Variants in TBCK observed in about 807,000 individuals in gnomAD.
The protein encoded by TBCK is TBC domain-containing protein kinase-like protein.
A neutral mutation model predicts 113.4 loss-of-function variants in TBCK; 99 were observed. The observed-to-expected ratio is 0.87, with a 90% CI of 0.74 to 1.03. The LOEUF is 1.03. Ranked by LOEUF, TBCK falls within the 50% of genes least tolerant of loss-of-function variation. TBCK has a pLI of 0.00. For missense variants in TBCK, 1,045 were observed against 1,061.3 expected, an observed-to-expected ratio of 0.98 and a Z score of 0.21; for synonymous variants, 369 against 370.8, an observed-to-expected ratio of 1.00 and a Z score of 0.05.
rs1455943974 is a variant in TBCK, at chr4:106,193,625, G to A, written c.2043C>T (p.Leu681=). The A allele has an allele frequency of 5.0e-6, 8 of 1,613,334 alleles. No homozygotes were observed. The part of the protein sequence containing the change: ...LANGFNECIL[L]FSDLPEIDIE... The stretch of plus-strand genomic sequence containing the variant: ...GATCTATACCTGGTAAATCGGAGAA[G>A]AGAAGAATACACTCATTAAAGCCAT... Residue 681 remains leucine, a synonymous_variant, in exon 22 of 26, where the codon CTC becomes CTT. Transcript: ENST00000394708.
chr4:106,269,923 G>T (rs555598320), intron 3 of TBCK, among the ~76,000 whole-genome samples: 5 of 152,242 alleles, frequency 3.3e-5, no homozygotes, highest in Non-Finnish European at 7.4e-5. Context: ...CATAAAGCCA[G>T]GAGGCTCTGT....
intron 3 of TBCK, among the ~76,000 whole-genome samples, chr4:106,291,472 G>A (rs1220957808): frequency 2.0e-5 from 3 of 152,212 alleles, no homozygotes; most frequent in Non-Finnish European, 4.4e-5. Context: ...CTCCAAGTAT[G>A]CTTTGTATGC....
intron 3 of TBCK, among the ~76,000 whole-genome samples, chr4:106,274,696 TCTTTTTTGG>T (rs1390222764): frequency 1.3e-5 from 2 of 152,158 alleles, no homozygotes; most frequent in East Asian, 1.9e-4. Flanking sequence ...GACTGCTCAT[TCTTTTTTGG>T]AGTGATGAAA....
intron 25 of TBCK, among the ~76,000 whole-genome samples, chr4:106,058,182 G>A (rs538903856): frequency 6.6e-6 from 1 of 151,800 alleles, no homozygotes; most frequent in African/African-American, 2.4e-5. Context: ...AACTAGATGG[G>A]GATATGAATA....
chr4:106,291,322 C>T (rs1363433444), intron 3 of TBCK, among the ~76,000 whole-genome samples: 3 of 152,078 alleles, frequency 2.0e-5, no homozygotes, highest in Admixed American at 1.3e-4. Flanking sequence ...CACTGGAGAC[C>T]TTCTTTAAAA....
At chr4:106,191,880 T>C (rs907325129) in intron 22 of TBCK, among the ~76,000 whole-genome samples, 1 of 152,164 alleles carries the variant, frequency 6.6e-6, no homozygotes, top group Non-Finnish European at 1.5e-5. Flanking sequence ...ACAGATGTTA[T>C]GATATAGTGA....
Position 106,230,235 on chromosome 4 carries a change from A to G in TBCK, c.1774+128T>C, listed in dbSNP as rs1051790480. The G allele has an allele frequency of 1.5e-5, 7 of 457,060 alleles. No homozygotes were observed. In the Admixed American group the frequency reaches 1.9e-4, roughly 13 times the overall value. 28.3% of individuals were successfully genotyped at this position (457,060 alleles called of 1,614,324 possible). On this transcript the variant is annotated intron_variant, in intron 19 of 25. Transcript: ENST00000394708. Reference sequence around the variant, plus strand: ...AGACTGAACTTTCTAATTTCTCTTTATGGATTTTATTGGATGGACCATCAT... The same window carrying G: ...AGACTGAACTTTCTAATTTCTCTTTGTGGATTTTATTGGATGGACCATCAT...
intron 3 of TBCK, among the ~76,000 whole-genome samples, chr4:106,265,625 T>C (rs907089654): frequency 6.6e-6 from 1 of 151,840 alleles, no homozygotes. Context: ...TGTCCTCTAG[T>C]TGTTCCTTGT....
rs1741374135 is a variant in TBCK, at chr4:106,100,098, C to T, written c.2412-4457G>A. 5.3e-5 allele frequency among the ~76,000 whole-genome samples: 8 copies of T among 152,266 alleles called. 1 individual carries two copies. In the South Asian group the frequency reaches 1.7e-3, roughly 32 times the overall value. On this transcript the variant is annotated intron_variant, in intron 24 of 25. Transcript: ENST00000394708. ...ACATCCATCCTTCAAATGTTTCATCCATGAAAGTTTCCCTTCCCACAGTAT... is the reference window on the plus strand; with the variant it reads ...ACATCCATCCTTCAAATGTTTCATCTATGAAAGTTTCCCTTCCCACAGTAT...
chr4:106,296,401 T>C (rs574715556), intron 2 of TBCK, among the ~76,000 whole-genome samples: 1 of 152,038 alleles, frequency 6.6e-6, no homozygotes, highest in Non-Finnish European at 1.5e-5. Flanking sequence ...ATGATAACTG[T>C]AAAATGAAGG....
intron 2 of TBCK, among the ~76,000 whole-genome samples, chr4:106,299,854 A>G (rs1182767478): frequency 6.6e-6 from 1 of 152,232 alleles, no homozygotes; most frequent in Non-Finnish European, 1.5e-5. Flanking sequence ...AGAATATACA[A>G]TAATTGTGAA....
intron 25 of TBCK, among the ~76,000 whole-genome samples, chr4:106,055,547 A>T (rs1276063309): frequency 2.7e-5 from 3 of 111,536 alleles, no homozygotes; most frequent in Non-Finnish European, 5.8e-5. Context: ...TGAAAGTTCA[A>T]TTATACACAC....
At chr4:106,300,363 A>C (rs1186786971) in intron 2 of TBCK, among the ~76,000 whole-genome samples, 1 of 152,200 alleles carries the variant, frequency 6.6e-6, no homozygotes, top group Non-Finnish European at 1.5e-5. Context: ...TTGAATAAGG[A>C]GTAGGGGGAA....
chr4:106,166,047 T>A (rs1008173985), intron 23 of TBCK, among the ~76,000 whole-genome samples: 1 of 151,770 alleles, frequency 6.6e-6, no homozygotes, highest in Non-Finnish European at 1.5e-5. Context: ...TTAAAATCTG[T>A]TTTTGACTCA....
chr4:106,132,285 A>T (rs1462223642), intron 23 of TBCK, among the ~76,000 whole-genome samples: 5 of 152,164 alleles, frequency 3.3e-5, no homozygotes, highest in African/African-American at 1.2e-4. Flanking sequence ...TGCTCTATGA[A>T]GCCTCATGAC....
intron 25 of TBCK, among the ~76,000 whole-genome samples, chr4:106,077,626 T>A (rs567609543): frequency 6.6e-6 from 1 of 152,246 alleles, no homozygotes; most frequent in East Asian, 1.9e-4. Flanking sequence ...TCTAAATATA[T>A]ACATACCCAA....
chr4:106,212,704 CTTT>C, intron 20 of TBCK, 43 bp downstream of exon 20: 6 of 1,106,654 alleles, frequency 5.4e-6, no homozygotes, highest in South Asian at 3.1e-5. Context: ...ATAATTTCTG[CTTT>C]TTTTTTTTAA....
intron 22 of TBCK, among the ~76,000 whole-genome samples, chr4:106,193,132 G>C (rs1249611441): frequency 1.3e-5 from 2 of 152,118 alleles, no homozygotes; most frequent in Non-Finnish European, 2.9e-5. Context: ...GCATGACATA[G>C]ATGATTTGTC....
chr4:106,239,901 TACCA>T (rs1251876753), intron 12 of TBCK, among the ~76,000 whole-genome samples: 2 of 151,876 alleles, frequency 1.3e-5, no homozygotes, highest in African/African-American at 4.8e-5. Flanking sequence ...ATACCCCTGA[TACCA>T]AACTAGCATC....
Sources: gnomAD v4.1 joint callset for allele counts (sites outside exome capture counted in the v4.1 genomes callset) on GRCh38, gnomAD v4.1.1 for gene constraint, MANE v1.5 for transcripts, NCBI Gene and HGNC (gene_info 2026-07-23, HGNC 2026-07-21) for gene names.